ANKRD50: variants seen among roughly 807,000 people sequenced by gnomAD.
ANKRD50 encodes ankyrin repeat domain 50.
ANKRD50 carries 40 observed loss-of-function variants against 112.0 expected under a neutral mutation model. The observed-to-expected ratio is 0.36, with a 90% CI of 0.28 to 0.46. The LOEUF is 0.46. Among genes scored for constraint, ANKRD50 ranks in the 20% least tolerant of loss-of-function variants. The probability of loss-of-function intolerance (pLI) is 1.00; values close to 1 mark genes in which losing one functional copy is unlikely to be tolerated. For missense variants in ANKRD50, 1,487 were observed against 1,701.7 expected, an observed-to-expected ratio of 0.87 and a Z score of 2.22; for synonymous variants, 613 against 619.1, an observed-to-expected ratio of 0.99 and a Z score of 0.15.
rs1317417361 is a variant in ANKRD50, at chr4:124,669,345, G to C, written c.3932C>G (p.Ala1311Gly). The C allele has an allele frequency of 7.4e-6, 12 of 1,613,694 alleles. No homozygotes were observed. In the South Asian group the frequency reaches 1.2e-4, roughly 16 times the overall value. The stretch of plus-strand genomic sequence containing the variant: ...AGGTGGTGCAGCAGTCCCGGATTTG[G>C]CTATAGGTCCTCTTCTATCAAACTG... ...MTQFDRRGPI[A>G]KSGTAAPPKQ... is the part of the protein sequence containing the mutation. The change falls in exon 4 of 5, where the codon GCC becomes GGC. Residue 1311 changes from alanine (A) to glycine (G), a missense_variant. This residue lies in a region of ANKRD50 where 441 missense variants were observed against 432.2 expected (regional missense o/e 1.02). Transcript: ENST00000504087.
At chr4:124,677,721 C>T (rs1208926597) in intron 3 of ANKRD50, among the ~76,000 whole-genome samples, 1 of 151,840 alleles carries the variant, frequency 6.6e-6, no homozygotes, top group African/African-American at 2.4e-5. Context: ...GGTAAAAGCT[C>T]AGATGGTGTA....
intron 2 of ANKRD50, among the ~76,000 whole-genome samples, chr4:124,684,955 G>A (rs936956159): frequency 1.3e-5 from 2 of 151,872 alleles, no homozygotes; most frequent in African/African-American, 2.4e-5. Context: ...AAGCTCCCTC[G>A]CCAGGCAGTA....
At chr4:124,694,869 A>G (rs1055763360) in intron 2 of ANKRD50, among the ~76,000 whole-genome samples, 3 of 152,198 alleles carry the variant, frequency 2.0e-5, no homozygotes, top group Non-Finnish European at 4.4e-5. Flanking sequence ...AAATGGTAAT[A>G]GAGAAGAAAT....
Position 124,669,143 on chromosome 4 carries a change from C to T in ANKRD50, c.4134G>A (p.Arg1378=), listed in dbSNP as rs573566243. 6.2e-7 allele frequency: 1 copy of T among 1,613,602 alleles called. No individual in the cohort carries two copies. The highest frequency in any genetic ancestry group is 1.1e-5 in the South Asian group (1 of 91,038). The change falls in exon 4 of 5, where the codon AGG becomes AGA. Residue 1378 remains arginine, a synonymous_variant. Coordinates refer to ENST00000504087, the MANE Select transcript of ANKRD50 (RefSeq NM_020337.3). ...HLQSNQVFLG[R]VSVPRTMQDR... ...CTTGCATTGTTCGTGGGACTGAAAC[C>T]CTACCAAGAAAAACCTGGTTGCTCT... is the stretch of plus-strand genomic sequence containing the variant.
In ANKRD50 at chr4:124,669,059, A is replaced by T. The variant is rs199669857; in HGVS notation, c.4218T>A (p.Leu1406=). The change falls in exon 4 of 5, where the codon CTT becomes CTA. Residue 1406 remains leucine (L), a synonymous_variant. Coordinates refer to ENST00000504087, the MANE Select transcript of ANKRD50 (RefSeq NM_020337.3). ...CAATCTGAAGCTTCAGAGCTTGTTT[A>T]AGGCTTAATTCTGTCTCTGAGGAAG... ...GYPSSETELS[L]KQALKLQIEG... is the part of the protein sequence containing the mutation. The T allele has an allele frequency of 6.2e-7, 1 of 1,613,300 alleles. No individual in the cohort carries two copies. Among genetic ancestry groups the T allele is most frequent in the Non-Finnish European group, 8.5e-7 (1 of 1,179,640 alleles).
At chr4:124,691,768 T>C (rs566754291) in intron 2 of ANKRD50, among the ~76,000 whole-genome samples, 1 of 152,262 alleles carries the variant, frequency 6.6e-6, no homozygotes, top group Non-Finnish European at 1.5e-5. Flanking sequence ...TAGGAAAAAC[T>C]GTGTGCCTCT....
At position 124,702,772 on chromosome 4, in the gene ANKRD50, T is replaced by C. The variant is rs1725418854; in HGVS notation, c.512+7228A>G. Among the ~76,000 whole-genome samples, 3 of 152,312 alleles carry C rather than the reference T, an allele frequency of 2.0e-5. No individual in the cohort carries two copies. In the South Asian group the frequency reaches 6.2e-4, roughly 32 times the overall value. The stretch of plus-strand genomic sequence containing the variant: ...TATTCTTGTGACTATTTGTTCAATG[T>C]ATTTTACCTCACTTAACTTAGTGTT... On this transcript the variant is annotated intron_variant, in intron 2 of 4. Coordinates refer to ENST00000504087, the MANE Select transcript of ANKRD50 (RefSeq NM_020337.3).
intron 2 of ANKRD50, among the ~76,000 whole-genome samples, chr4:124,699,920 T>C (rs1382213833): frequency 2.6e-5 from 4 of 152,098 alleles, no homozygotes; most frequent in African/African-American, 4.8e-5. Flanking sequence ...TCCTACTGTA[T>C]TATAAGCCCT....
intron 3 of ANKRD50, among the ~76,000 whole-genome samples, chr4:124,676,902 A>G (rs1183482418): frequency 6.6e-6 from 1 of 151,690 alleles, no homozygotes; most frequent in Non-Finnish European, 1.5e-5. Context: ...AAATTGATGA[A>G]ATAAGCATAA....
intron 2 of ANKRD50, among the ~76,000 whole-genome samples, chr4:124,706,726 T>C (rs1725511063): frequency 6.6e-6 from 1 of 152,076 alleles, no homozygotes; most frequent in African/African-American, 2.4e-5. Context: ...CATTATATGT[T>C]GAAAATATCT....
rs1308323560 is a variant in ANKRD50, at chr4:124,710,156, T to C, written c.356A>G (p.Asp119Gly). ...AFHFCKAQDS[D>G]TLCVGGFIRG... ...AATAAACCCTCCAACACACAAAGTA[T>C]CAGAGTCCTGGGCTTTGCAGAAATG... Residue 119 changes from aspartate (D) to glycine (G), a missense_variant, in exon 2 of 5, where the codon GAT (aspartate) becomes GGT (glycine). Physicochemically the swap from Asp to Gly is moderately conservative, Grantham distance 94 (BLOSUM62 -1). Around this residue, in one of 2 missense-constraint regions of ANKRD50, gnomAD observed 1,046 missense variants for 1,269.5 expected, o/e 0.82. Coordinates refer to ENST00000504087, the MANE Select transcript of ANKRD50 (RefSeq NM_020337.3). 1.9e-6 allele frequency: 3 copies of C among 1,614,048 alleles called. No individual in the cohort carries two copies. The African/African-American group carries it at 4.0e-5, about 22-fold the overall frequency.
chr4:124,688,717 T>C (rs1725063261), intron 2 of ANKRD50, among the ~76,000 whole-genome samples: 1 of 152,130 alleles, frequency 6.6e-6, no homozygotes, highest in Non-Finnish European at 1.5e-5. Flanking sequence ...CCAATGCTCT[T>C]AGATCAGATC....
At chr4:124,682,731 G>GT (rs1231427651) in intron 2 of ANKRD50, among the ~76,000 whole-genome samples, 1 of 141,474 alleles carries the variant, frequency 7.1e-6, no homozygotes, top group Non-Finnish European at 1.5e-5. Flanking sequence ...CATGGTACAT[G>GT]TTTTTTAATT....
chr4:124,694,169 A>T (rs750717866), intron 2 of ANKRD50, among the ~76,000 whole-genome samples: 1 of 152,178 alleles, frequency 6.6e-6, no homozygotes, highest in Non-Finnish European at 1.5e-5. Context: ...CGGGGAACAA[A>T]TATTATCTAT....
chr4:124,672,672 T>C lies in ANKRD50; in HGVS notation c.743-138A>G, dbSNP rs193072657. ...TAATAAGCAGATCAATTAATACCTA[T>C]TAGTATGTAAATCAGTTTTCTTTTC... is the stretch of plus-strand genomic sequence containing the variant. On this transcript the variant is annotated intron_variant, in intron 3 of 4. Transcript: ENST00000504087. 594 of 602,964 alleles carry C rather than the reference T, an allele frequency of 9.9e-4. 1 individual carries two copies. The African/African-American group carries it at 0.01, about 10-fold the overall frequency. 37.4% of individuals were successfully genotyped at this position (602,964 alleles called of 1,614,324 possible).
At chr4:124,675,927 C>T (rs1730764395) in intron 3 of ANKRD50, among the ~76,000 whole-genome samples, 1 of 151,728 alleles carries the variant, frequency 6.6e-6, no homozygotes, top group African/African-American at 2.4e-5. Flanking sequence ...ATAGTGAATA[C>T]ATCAGAAAAG....
intron 2 of ANKRD50, among the ~76,000 whole-genome samples, chr4:124,700,406 A>C (rs1725363383): frequency 6.6e-6 from 1 of 152,222 alleles, no homozygotes; most frequent in Non-Finnish European, 1.5e-5. Context: ...TGTGAAAATA[A>C]GAGAAACAAT....
At chr4:124,674,597 T>A (rs1003431601) in intron 3 of ANKRD50, among the ~76,000 whole-genome samples, 19 of 151,966 alleles carry the variant, frequency 1.3e-4, no homozygotes, top group Middle Eastern at 3.2e-3. Flanking sequence ...GATTGTTTTG[T>A]TTGACTTTGA....
Position 124,671,391 on chromosome 4 carries a change from G to A in ANKRD50, c.1886C>T (p.Ala629Val). The A allele has an allele frequency of 6.2e-7, 1 of 1,613,822 alleles. No homozygotes were observed. Among genetic ancestry groups the A allele is most frequent in the Non-Finnish European group, 8.5e-7 (1 of 1,179,846 alleles). The change falls in exon 4 of 5, where the codon GCA (alanine) becomes GTA (valine). Residue 629 changes from alanine to valine, a missense_variant. By Grantham distance (64) the Ala-to-Val change is moderately conservative. This residue lies in a region of ANKRD50 where 1,046 missense variants were observed against 1,269.5 expected (regional missense o/e 0.82). Coordinates refer to ENST00000504087, the MANE Select transcript of ANKRD50 (RefSeq NM_020337.3). Reference protein sequence around the residue: ...AWGGHTEVVSALLYAGVKVDC... With the variant: ...AWGGHTEVVSVLLYAGVKVDC... ...CACTTTTACGCCAGCATAAAGTAGT[G>A]CAGAAACTACCTCAGTATGGCCACC...
Sources: allele counts gnomAD v4.1 joint callset (sites outside exome capture counted in the v4.1 genomes callset), GRCh38; gene constraint gnomAD v4.1.1; regional missense constraint gnomAD v4.1.1; transcripts MANE v1.5; gene names NCBI Gene and HGNC (gene_info 2026-07-23, HGNC 2026-07-21).